Variants in MYO1C observed in about 807,000 individuals in gnomAD.
The protein encoded by MYO1C is myosin IC, also known as unconventional myosin-Ic.
Under a neutral mutation model 150.8 loss-of-function variants are expected in MYO1C, and 104 were observed. The ratio of observed to expected loss-of-function variants is 0.69; its 90% CI spans 0.59 to 0.81. The LOEUF (loss-of-function observed/expected upper bound fraction) is 0.81. MYO1C is among the 30% of genes least tolerant of loss of function. MYO1C has a pLI of 0.00. For synonymous variants in MYO1C, 663 were observed against 579.9 expected (o/e 1.14, Z -2.06); for missense variants, 1,504 against 1,435.0 (o/e 1.05, Z -0.78).
intron 1 of MYO1C, chr17:1,491,194 C>T (rs530539379): frequency 2.0e-5 from 3 of 152,376 alleles, no homozygotes; most frequent in East Asian, 1.9e-4. Context: ...GCGTGGCCAT[C>T]CTCCTTCTCC....
rs573468536 is a variant in MYO1C, at chr17:1,470,035, A to G, written c.2526+140T>C. 15 of 925,326 alleles carry G rather than the reference A, an allele frequency of 1.6e-5. No homozygotes were observed. The South Asian group carries it at 1.7e-4, about 11-fold the overall frequency. 57.3% of individuals were successfully genotyped at this position (925,326 alleles called of 1,614,324 possible). On this transcript the variant is annotated intron_variant, in intron 24 of 31. Coordinates refer to ENST00000648651, the MANE Select transcript of MYO1C (RefSeq NM_001080779.2). ...GTGTGAGACTCCATCTCAAAAAAAA[A>G]AGAGACCTTACTTTTCACTGCTCAG...
intron 1 of MYO1C, chr17:1,484,750 A>AAGG (rs1040697999): frequency 2.8e-6 from 1 of 361,722 alleles, no homozygotes; most frequent in Non-Finnish European, 5.4e-6. Context: ...CTTCCTCCTA[A>AAGG]AGGAGGAGGA....
Position 1,485,706 on chromosome 17 carries a change from G to C in MYO1C, c.76-1403C>G, listed in dbSNP as rs749069588. ...CCCCCAGGCTCACCGACGCCCGGTA[G>C]CGCATCCTGCCCGGCCGGCCTGGCG... On this transcript the variant is annotated intron_variant, in intron 1 of 31. Transcript: ENST00000648651. The C allele has an allele frequency of 7.5e-6, 9 of 1,193,318 alleles. No homozygotes were observed. In the African/African-American group the frequency reaches 1.3e-4, roughly 17 times the overall value. 73.9% of individuals were successfully genotyped at this position (1,193,318 alleles called of 1,614,324 possible).
Position 1,472,067 on chromosome 17 carries a change from G to A in MYO1C, c.1904-43C>T, listed in dbSNP as rs763105085. 9 of 1,607,914 alleles carry A rather than the reference G, an allele frequency of 5.6e-6. No homozygotes were observed. In the Admixed American group the frequency reaches 6.7e-5, roughly 12 times the overall value. On this transcript the variant is annotated intron_variant, in intron 18 of 31. Transcript: ENST00000648651. Reference sequence around the variant, plus strand: ...CCGTGGTCAGCGGGCTGGCGCTGACGGCCTGTCTCCTGCAGGGGAGGCCCG... The same window carrying A: ...CCGTGGTCAGCGGGCTGGCGCTGACAGCCTGTCTCCTGCAGGGGAGGCCCG...
intron 21 of MYO1C, 175 bp downstream of exon 21, chr17:1,470,896 G>C: frequency 1.1e-6 from 1 of 910,972 alleles, no homozygotes; most frequent in Non-Finnish European, 1.7e-6. Context: ...TGGAGCTGGT[G>C]GGGAGGGGCT....
chr17:1,477,733 G>T, intron 13 of MYO1C, 137 bp from the exon 14 acceptor site: 1 of 989,510 alleles, frequency 1.0e-6, no homozygotes, highest in South Asian at 1.3e-5. Context: ...GCTTCCAACT[G>T]GGGCGGCACC....
rs758485692 is a variant in MYO1C at position 1,475,068 on chromosome 17, C to T, written c.1575-36G>A. ...CAGGGAGGAAGCTGCAGATGGCTGC[C>T]GGCCTGAGCCAAGCCCTCTGCCTGC... On this transcript the variant is annotated intron_variant, in intron 14 of 31. Coordinates refer to ENST00000648651, the MANE Select transcript of MYO1C (RefSeq NM_001080779.2). 143 of 1,545,330 alleles carry T rather than the reference C, an allele frequency of 9.3e-5. 5 individuals carry two copies. The South Asian group carries it at 1.3e-3, about 14-fold the overall frequency.
In MYO1C at chr17:1,478,723, G is replaced by C. The variant is rs760068144; in HGVS notation, c.1105C>G (p.Leu369Val). The change falls in exon 10 of 32, where the codon CTG (leucine) becomes GTG (valine). Residue 369 changes from leucine (L) to valine (V), a missense_variant. Physicochemically the swap from Leu to Val is conservative, Grantham distance 32 (BLOSUM62 1). Coordinates refer to ENST00000648651, the MANE Select transcript of MYO1C (RefSeq NM_001080779.2). The surrounding 1 kb of genome is among the most constrained non-coding windows in gnomAD (Gnocchi z 6.3). Reference protein sequence around the residue: ...IAKGEELLSPLNLEQAAYARD... With the variant: ...IAKGEELLSPVNLEQAAYARD... ...GCGTACGCGGCCTGCTCCAGGTTCA[G>C]CGGGCTCAGGAGCTGTGGACGCAGC... 4 of 1,614,072 alleles carry C rather than the reference G, an allele frequency of 2.5e-6. No individual in the cohort carries two copies. In the South Asian group the frequency reaches 4.4e-5, roughly 18 times the overall value.
intron 31 of MYO1C, among the ~76,000 whole-genome samples, 194 bp from the exon 32 acceptor site, chr17:1,465,946 C>A (rs986099141): frequency 3.3e-5 from 5 of 152,162 alleles, no homozygotes; most frequent in Middle Eastern, 6.8e-3. Context: ...GGATTACAGG[C>A]GTGAGCCGCC....
chr17:1,481,260 G>T, intron 5 of MYO1C: 1 of 282,632 alleles, frequency 3.5e-6, no homozygotes. Flanking sequence ...CAGTCCTCCT[G>T]GAAGCCTGTG....
chr17:1,491,563 CCCCCGCGGCCGCCGT>C lies in MYO1C; in HGVS notation c.75+835_75+849del, dbSNP rs1207681311. 5.3e-6 allele frequency: 5 copies of C among 942,582 alleles called. No individual in the cohort carries two copies. In the African/African-American group the frequency reaches 7.1e-5, roughly 13 times the overall value. The allele number at this position is 942,582 out of a possible 1,614,324, so 58.4% of individuals were successfully genotyped here. A position where few individuals can be genotyped will look rare whatever the true frequency, so the allele number is the denominator to read the frequency against. ...CCGGCCGCCCGCTCCCCACACCCGCCCCCCGCGGCCGCCGTCCCCGCGCCCCGAGTACCCACCGGC... is the reference window on the plus strand; with the variant it reads ...CCGGCCGCCCGCTCCCCACACCCGCCCCCCGCGCCCCGAGTACCCACCGGC... On this transcript the variant is annotated intron_variant, in intron 1 of 31. Coordinates refer to ENST00000648651, the MANE Select transcript of MYO1C (RefSeq NM_001080779.2).
Position 1,480,532 on chromosome 17 carries a change from C to G in MYO1C, c.901G>C (p.Val301Leu). The G allele has an allele frequency of 6.2e-7, 1 of 1,613,412 alleles. No individual in the cohort carries two copies. The highest frequency in any genetic ancestry group is 1.3e-5 in the African/African-American group (1 of 75,030). Reference protein sequence around the residue: ...LTVIDFTEDEVEDLLSIVASV... With the variant: ...LTVIDFTEDELEDLLSIVASV... ...GGTCCCGGAAGAGGCCTCACCTCCA[C>G]TTCATCCTCGGTGAAATCAATGACT... The change falls in exon 7 of 32, where the codon GTG becomes CTG. Residue 301 changes from valine (V) to leucine (L), a missense_variant. Transcript: ENST00000648651.
intron 17 of MYO1C, among the ~76,000 whole-genome samples, chr17:1,474,401 C>T (rs959798753): frequency 1.4e-5 from 2 of 147,438 alleles, no homozygotes; most frequent in African/African-American, 2.5e-5. Flanking sequence ...GCACTCCAGC[C>T]TGGGCAACAG....
chr17:1,476,425 T>A (rs187978951), intron 14 of MYO1C, among the ~76,000 whole-genome samples: 2 of 152,198 alleles, frequency 1.3e-5, no homozygotes, highest in Non-Finnish European at 2.9e-5. Flanking sequence ...TCTGCCCACC[T>A]AGGCCTCCCA....
rs1481555821 is a variant in MYO1C, at chr17:1,477,920, C to T, written c.1453G>A (p.Glu485Lys). 6.8e-6 allele frequency: 11 copies of T among 1,614,212 alleles called. No homozygotes were observed. The highest frequency in any genetic ancestry group is 9.3e-6 in the Non-Finnish European group (11 of 1,180,036). ...NNKIICDLVE[E>K]KFKGIISILD... is the part of the protein sequence containing the mutation. ...ATCGAGATGATGCCCTTAAACTTCTCCTCCACCAGATCACAGATGATTTTG... is the reference window on the plus strand; with the variant it reads ...ATCGAGATGATGCCCTTAAACTTCTTCTCCACCAGATCACAGATGATTTTG... Residue 485 changes from glutamate (E) to lysine (K), a missense_variant, in exon 13 of 32, where the codon GAG (glutamate) becomes AAG (lysine). Transcript: ENST00000648651.
intron 1 of MYO1C, chr17:1,485,555 T>C: frequency 6.3e-6 from 4 of 634,184 alleles, no homozygotes; most frequent in South Asian, 6.9e-5. Flanking sequence ...CTCGGCCTCC[T>C]CCCCCTGCAA....
chr17:1,467,101 G>C, intron 31 of MYO1C, 141 bp downstream of exon 31: 1 of 805,270 alleles, frequency 1.2e-6, no homozygotes, highest in South Asian at 1.5e-5. Context: ...GGCCCTCATG[G>C]GTGGGCCAAG....
chr17:1,481,238 C>A (rs2074514602), intron 5 of MYO1C: 2 of 311,048 alleles, frequency 6.4e-6, no homozygotes, highest in African/African-American at 2.1e-5. Flanking sequence ...GTTGTTCAAG[C>A]CAAGGACTTG....
chr17:1,475,887 A>T (rs996122752), intron 14 of MYO1C, among the ~76,000 whole-genome samples: 1 of 152,138 alleles, frequency 6.6e-6, no homozygotes, highest in Admixed American at 6.5e-5. Context: ...TGTTCTGAGG[A>T]AAATGTTGTT....
Sources: allele counts gnomAD v4.1 joint callset (sites outside exome capture counted in the v4.1 genomes callset), GRCh38; gene constraint gnomAD v4.1.1; non-coding constraint Gnocchi (gnomAD v3.1); transcripts MANE v1.5; gene names NCBI Gene and HGNC (gene_info 2026-07-23, HGNC 2026-07-21).